Variants in DOCK4 observed in about 807,000 individuals in gnomAD.
DOCK4 encodes dedicator of cytokinesis protein 4.
DOCK4 carries 97 observed loss-of-function variants against 268.1 expected under a neutral mutation model. The ratio of observed to expected loss-of-function variants is 0.36; its 90% CI spans 0.31 to 0.43. The LOEUF (loss-of-function observed/expected upper bound fraction) is 0.43. Ranked by LOEUF, DOCK4 falls within the 20% of genes least tolerant of loss-of-function variation. The probability of loss-of-function intolerance (pLI) is 1.00; values close to 1 mark genes in which losing one functional copy is unlikely to be tolerated. For synonymous variants in DOCK4, 954 were observed against 887.2 expected (o/e 1.08, Z -1.34); for missense variants, 2,145 against 2,455.7 (o/e 0.87, Z 2.67).
At chr7:112,204,974 C>G (rs1587060725) in intron 1 of DOCK4, among the ~76,000 whole-genome samples, 2 of 152,002 alleles carry the variant, frequency 1.3e-5, no homozygotes, top group Non-Finnish European at 2.9e-5. Context: ...ATCCATAATG[C>G]TTTCTGTTAG....
chr7:111,961,328 C>T (rs765508469), intron 8 of DOCK4, among the ~76,000 whole-genome samples: 2 of 152,126 alleles, frequency 1.3e-5, no homozygotes, highest in East Asian at 3.9e-4. Context: ...TGTCTGGATC[C>T]CTTCTGCCGT....
chr7:112,089,742 C>A (rs1229601184), intron 1 of DOCK4, among the ~76,000 whole-genome samples: 1 of 152,138 alleles, frequency 6.6e-6, no homozygotes, highest in Non-Finnish European at 1.5e-5. Flanking sequence ...CCTTCTCGCT[C>A]TTCCTCCTGC....
At chr7:111,969,677 A>AG (rs1450809223) in intron 8 of DOCK4, among the ~76,000 whole-genome samples, 2 of 56,788 alleles carry the variant, frequency 3.5e-5, no homozygotes, top group Non-Finnish European at 9.3e-5. Flanking sequence ...TAGTTGAACC[A>AG]GAAAAAAAAA....
intron 1 of DOCK4, among the ~76,000 whole-genome samples, chr7:112,068,984 A>C (rs1167903608): frequency 6.6e-6 from 1 of 152,218 alleles, no homozygotes; most frequent in Non-Finnish European, 1.5e-5. Flanking sequence ...AAGAATTTCC[A>C]ACTTCTATCT....
intron 8 of DOCK4, among the ~76,000 whole-genome samples, 187 bp from the exon 9 acceptor site, chr7:111,945,985 G>T (rs900979936): frequency 1.3e-5 from 2 of 152,156 alleles, no homozygotes; most frequent in African/African-American, 4.8e-5. Flanking sequence ...GTTAAAACTG[G>T]CAAAGCAGCA....
At chr7:111,738,403 G>A (rs1795654703) in intron 49 of DOCK4, among the ~76,000 whole-genome samples, 1 of 152,172 alleles carries the variant, frequency 6.6e-6, no homozygotes, top group Non-Finnish European at 1.5e-5. Flanking sequence ...CTTTTAAATA[G>A]GTCTAGGCAA....
intron 1 of DOCK4, among the ~76,000 whole-genome samples, chr7:112,067,192 C>T (rs1164576914): frequency 7.0e-6 from 1 of 143,410 alleles, no homozygotes; most frequent in Non-Finnish European, 1.5e-5. Flanking sequence ...AAAAAAGTTA[C>T]ACAATAAACA....
Position 111,728,687 on chromosome 7 carries a change from C to A in DOCK4, c.5515G>T (p.Glu1839Ter). The stretch of plus-strand genomic sequence containing the variant: ...GAGATGAGTCCTGGCGAGTGGTACT[C>A]CACTGGAGAGGGGGTGAAAGACTGC... ...SVQSFTPSPV[E>*]YHSPGLISNS... Residue 1839 changes from glutamate (E) to a stop codon, truncating the protein, a stop_gained, in exon 53 of 53, where the codon GAG (glutamate) becomes TAG (stop). Coordinates refer to ENST00000428084, the MANE Select transcript of DOCK4 (RefSeq NM_001363540.2). LOFTEE classifies it high-confidence loss of function. The A allele has an allele frequency of 1.2e-6, 2 of 1,613,560 alleles. No homozygotes were observed. Among genetic ancestry groups the A allele is most frequent in the Non-Finnish European group, 1.7e-6 (2 of 1,179,738 alleles).
rs869052136 is a variant in DOCK4 at position 111,762,762 on chromosome 7, CTTTTTTTTTTTTTT to C, written c.4020+2342_4020+2355del. Among the ~76,000 whole-genome samples, 25 of 63,076 alleles carry C rather than the reference CTTTTTTTTTTTTTT, an allele frequency of 4.0e-4. No homozygotes were observed. The Admixed American group carries it at 4.2e-3, about 11-fold the overall frequency. The allele number at this position is 63,076 out of a possible 152,430, so 41.4% of individuals were successfully genotyped here. A position where few individuals can be genotyped will look rare whatever the true frequency, so the allele number is the denominator to read the frequency against. ...TAAATAACCCATTTTGTTTTGTTTTCTTTTTTTTTTTTTTTTTTTTTTTTGGAGACAGGGTCTCA... is the reference window on the plus strand; with the variant it reads ...TAAATAACCCATTTTGTTTTGTTTTCTTTTTTTTTTGGAGACAGGGTCTCA... On this transcript the variant is annotated intron_variant, in intron 39 of 52. Transcript: ENST00000428084.
At chr7:112,130,770 C>T (rs898216076) in intron 1 of DOCK4, among the ~76,000 whole-genome samples, 2 of 152,186 alleles carry the variant, frequency 1.3e-5, no homozygotes, top group Admixed American at 6.5e-5. Flanking sequence ...AAAATACAGA[C>T]GCGTCCTACC....
At chr7:111,914,715 G>C (rs1019934016) in intron 13 of DOCK4, among the ~76,000 whole-genome samples, 2 of 152,076 alleles carry the variant, frequency 1.3e-5, no homozygotes, top group African/African-American at 4.8e-5. Flanking sequence ...TACCCTCTAA[G>C]ACATTCCCTA....
chr7:112,165,729 A>C (rs1482705045), intron 1 of DOCK4, among the ~76,000 whole-genome samples: 1 of 152,164 alleles, frequency 6.6e-6, no homozygotes, highest in Non-Finnish European at 1.5e-5. Flanking sequence ...AAAAAAATCA[A>C]GAAGTACTTA....
chr7:112,139,948 T>C (rs1187052458), intron 1 of DOCK4, among the ~76,000 whole-genome samples: 1 of 152,068 alleles, frequency 6.6e-6, no homozygotes, highest in East Asian at 1.9e-4. Flanking sequence ...CAAGGTGCAG[T>C]TTAAAAAGGA....
At chr7:111,759,819 T>G (rs1797263303) in intron 40 of DOCK4, among the ~76,000 whole-genome samples, 1 of 151,590 alleles carries the variant, frequency 6.6e-6, no homozygotes, top group African/African-American at 2.4e-5. Flanking sequence ...TATGTGCCAG[T>G]AAACACAATA....
chr7:112,023,052 C>T (rs1213886825), intron 1 of DOCK4, among the ~76,000 whole-genome samples: 4 of 152,034 alleles, frequency 2.6e-5, no homozygotes, highest in Non-Finnish European at 2.9e-5. Flanking sequence ...CTTTGCCTCC[C>T]GAGTAGCTGG....
rs1469425293 is a variant in DOCK4, at chr7:111,727,576, T to A, written c.*698A>T. 6.6e-6 allele frequency: 1 copy of A among 152,622 alleles called. No individual in the cohort carries two copies. The highest frequency in any genetic ancestry group is 1.5e-5 in the Non-Finnish European group (1 of 68,020). The allele number at this position is 152,622 out of a possible 1,614,324, so 9.5% of individuals were successfully genotyped here. A position where few individuals can be genotyped will look rare whatever the true frequency, so the allele number is the denominator to read the frequency against. On this transcript the variant is annotated 3_prime_UTR_variant, in exon 53 of 53. Transcript: ENST00000428084. ...TGCTTAATCTAGCTGATTGGAACTCTGAAGCAAATTGCACCTTGAAAAGAA... is the reference window on the plus strand; with the variant it reads ...TGCTTAATCTAGCTGATTGGAACTCAGAAGCAAATTGCACCTTGAAAAGAA...
At chr7:111,866,816 C>T (rs562990941) in intron 22 of DOCK4, among the ~76,000 whole-genome samples, 12 of 152,292 alleles carry the variant, frequency 7.9e-5, no homozygotes, top group East Asian at 5.8e-4. Context: ...AATCTCAGGA[C>T]GAAAACTCAA....
In DOCK4 at chr7:111,863,526, T is replaced by C. The variant is rs758145848; in HGVS notation, c.2319A>G (p.Glu773=). 6.2e-7 allele frequency: 1 copy of C among 1,613,396 alleles called. No homozygotes were observed. Among genetic ancestry groups the C allele is most frequent in the Non-Finnish European group, 8.5e-7 (1 of 1,179,534 alleles). The part of the protein sequence containing the change: ...FLSSFPAVYS[E]LLKLFDVREV... The stretch of plus-strand genomic sequence containing the variant: ...CCCGGACATCAAAGAGCTTCAACAG[T>C]TCTGAGTACACGGCAGGGAAAGAGC... The change falls in exon 23 of 53, where the codon GAA becomes GAG. Residue 773 remains glutamate (E), a synonymous_variant. Coordinates refer to ENST00000428084, the MANE Select transcript of DOCK4 (RefSeq NM_001363540.2).
At chr7:111,998,948 T>C (rs1363129002) in intron 3 of DOCK4, among the ~76,000 whole-genome samples, 1 of 152,102 alleles carries the variant, frequency 6.6e-6, no homozygotes. Context: ...AAAATATCAC[T>C]GCAAATTTAG....
Sources: allele counts gnomAD v4.1 joint callset (sites outside exome capture counted in the v4.1 genomes callset), GRCh38; gene constraint gnomAD v4.1.1; transcripts MANE v1.5; gene names NCBI Gene and HGNC (gene_info 2026-07-23, HGNC 2026-07-21).